RFX3: variants seen among roughly 807,000 people sequenced by gnomAD.
The protein encoded by RFX3 is transcription factor RFX3.
Under a neutral mutation model 98.6 loss-of-function variants are expected in RFX3, and 14 were observed. The ratio of observed to expected loss-of-function variants is 0.14; its 90% CI spans 0.09 to 0.22. The LOEUF (loss-of-function observed/expected upper bound fraction) is 0.22. Ranked by LOEUF, RFX3 falls within the 10% of genes least tolerant of loss-of-function variation. The pLI is 1.00. For missense variants in RFX3, 639 were observed against 926.9 expected (o/e 0.69, Z 4.03); for synonymous variants, 383 against 328.4 (o/e 1.17, Z -1.80).
At chr9:3,238,406 G>A (rs552093981) in intron 15 of RFX3, among the ~76,000 whole-genome samples, 1 of 152,298 alleles carries the variant, frequency 6.6e-6, no homozygotes, top group Admixed American at 6.5e-5. Flanking sequence ...GAGAAGGGAT[G>A]AAGTGCTTGT....
intron 1 of RFX3, chr9:3,420,855 T>A: frequency 2.0e-6 from 2 of 985,006 alleles, no homozygotes; most frequent in Non-Finnish European, 2.4e-6. Context: ...TCCATTTAAA[T>A]CCCTTAGATC....
At chr9:3,244,757 T>C (rs1181500994) in intron 15 of RFX3, among the ~76,000 whole-genome samples, 1 of 152,230 alleles carries the variant, frequency 6.6e-6, no homozygotes, top group East Asian at 1.9e-4. Context: ...AGCATTCTTA[T>C]ATCCCTTTAA....
chr9:3,335,202 G>T (rs1833026728), intron 3 of RFX3, among the ~76,000 whole-genome samples: 2 of 152,170 alleles, frequency 1.3e-5, no homozygotes, highest in South Asian at 4.1e-4. Context: ...GAACCCACTT[G>T]TTCGAGTCCC....
At chr9:3,430,467 T>C (rs1370948367) in intron 1 of RFX3, among the ~76,000 whole-genome samples, 2 of 152,188 alleles carry the variant, frequency 1.3e-5, no homozygotes, top group African/African-American at 4.8e-5. Context: ...ATCTTCAAAA[T>C]ACCATTACCA....
chr9:3,233,232 C>G (rs1818714382), intron 15 of RFX3, among the ~76,000 whole-genome samples: 1 of 152,214 alleles, frequency 6.6e-6, no homozygotes, highest in Admixed American at 6.5e-5. Context: ...TGGGCAACAG[C>G]TTAGCACAGC....
At chr9:3,459,436 T>A (rs1170483607) in intron 1 of RFX3, among the ~76,000 whole-genome samples, 1 of 152,098 alleles carries the variant, frequency 6.6e-6, no homozygotes, top group African/African-American at 2.4e-5. Context: ...TCCTACTGAT[T>A]AAATTCTGAG....
chr9:3,416,586 TCTATCCC>T (rs1843003226), intron 1 of RFX3, among the ~76,000 whole-genome samples: 1 of 152,202 alleles, frequency 6.6e-6, no homozygotes, highest in South Asian at 2.1e-4. Context: ...AGTATGGTCC[TCTATCCC>T]ATTGTCCCTG....
chr9:3,314,082 A>T (rs1431825016), intron 4 of RFX3, among the ~76,000 whole-genome samples: 6 of 152,216 alleles, frequency 3.9e-5, no homozygotes, highest in Non-Finnish European at 5.9e-5. Flanking sequence ...AGATTCACCA[A>T]AGTTGAAACA....
At chr9:3,506,723 T>C (rs951547564) in intron 1 of RFX3, among the ~76,000 whole-genome samples, 1 of 151,656 alleles carries the variant, frequency 6.6e-6, no homozygotes, top group African/African-American at 2.4e-5. Context: ...TATATAAATA[T>C]AGAATGAGGT....
At chr9:3,490,517 T>C (rs2133493967) in intron 1 of RFX3, among the ~76,000 whole-genome samples, 1 of 152,240 alleles carries the variant, frequency 6.6e-6, no homozygotes, top group African/African-American at 2.4e-5. Flanking sequence ...CTGATATTTT[T>C]AGATGTTTCT....
intron 1 of RFX3, among the ~76,000 whole-genome samples, chr9:3,466,400 G>T (rs1027218251): frequency 6.6e-6 from 1 of 151,908 alleles, no homozygotes; most frequent in Non-Finnish European, 1.5e-5. Flanking sequence ...ATTATTAAAA[G>T]AAAAAAATGT....
chr9:3,231,421 C>T (rs1344983082), intron 15 of RFX3, among the ~76,000 whole-genome samples: 1 of 152,128 alleles, frequency 6.6e-6, no homozygotes, highest in Admixed American at 6.5e-5. Flanking sequence ...TTAGTCAATA[C>T]ATATTTATTG....
chr9:3,516,118 G>A (rs925900936), intron 1 of RFX3, among the ~76,000 whole-genome samples: 3 of 151,770 alleles, frequency 2.0e-5, no homozygotes, highest in African/African-American at 4.8e-5. Flanking sequence ...GCGTGATCTC[G>A]GCTCACTGCA....
At chr9:3,475,821 A>G (rs1302870505) in intron 1 of RFX3, among the ~76,000 whole-genome samples, 1 of 152,152 alleles carries the variant, frequency 6.6e-6, no homozygotes, top group Non-Finnish European at 1.5e-5. Context: ...CAAGAGGTGG[A>G]GTAGAGTGTC....
chr9:3,368,093 G>A (rs890813600), intron 2 of RFX3, among the ~76,000 whole-genome samples: 25 of 152,154 alleles, frequency 1.6e-4, no homozygotes, highest in African/African-American at 5.5e-4. Flanking sequence ...AGCATAAATT[G>A]TTCCACTGTT....
chr9:3,330,687 C>A (rs1206963399), intron 3 of RFX3, among the ~76,000 whole-genome samples, 170 bp from the exon 4 acceptor site: 1 of 152,084 alleles, frequency 6.6e-6, no homozygotes, highest in Admixed American at 6.5e-5. Flanking sequence ...ATTTACTTTT[C>A]AAATTAAGGG....
intron 14 of RFX3, 52 bp downstream of exon 14, chr9:3,256,939 C>A: frequency 1.4e-6 from 2 of 1,473,098 alleles, no homozygotes; most frequent in South Asian, 1.1e-5. Flanking sequence ...CACATACACA[C>A]ACATATTTGC....
At chr9:3,388,302 T>G (rs370140556) in intron 2 of RFX3, among the ~76,000 whole-genome samples, 3 of 152,162 alleles carry the variant, frequency 2.0e-5, no homozygotes, top group African/African-American at 7.2e-5. Context: ...AGAGATCTAA[T>G]GGAGACTATT....
intron 4 of RFX3, among the ~76,000 whole-genome samples, chr9:3,320,163 A>G (rs1024469098): frequency 3.9e-5 from 6 of 152,216 alleles, no homozygotes; most frequent in African/African-American, 1.4e-4. Flanking sequence ...GAGCTTGTCC[A>G]AAATTTTTAA....
Sources: gnomAD v4.1 joint callset for allele counts (sites outside exome capture counted in the v4.1 genomes callset) on GRCh38, gnomAD v4.1.1 for gene constraint, MANE v1.5 for transcripts, NCBI Gene and HGNC (gene_info 2026-07-23, HGNC 2026-07-21) for gene names.